Variants in STAG3 observed in about 807,000 individuals in gnomAD.
STAG3 encodes the protein cohesin subunit SA-3.
Under a neutral mutation model 160.7 loss-of-function variants are expected in STAG3, and 101 were observed. The observed-to-expected ratio is 0.63, with a 90% confidence interval of 0.54 to 0.74. The LOEUF (loss-of-function observed/expected upper bound fraction) is 0.74. STAG3 is among the 30% of genes least tolerant of loss of function. The pLI is 0.00. For missense variants in STAG3, 1,188 were observed against 1,517.4 expected, an observed-to-expected ratio of 0.78 and a Z score of 3.61; for synonymous variants, 519 against 585.0, an observed-to-expected ratio of 0.89 and a Z score of 1.63.
rs143095504 is a variant in STAG3, at chr7:100,194,589, C to G, written c.868-720C>G. Reference sequence around the variant, plus strand: ...ATCGCTTGAGCCCAGGAGTTCAAGACCAGCCTGGGCAAACATAGGGAGAGC... The same window carrying G: ...ATCGCTTGAGCCCAGGAGTTCAAGAGCAGCCTGGGCAAACATAGGGAGAGC... On this transcript the variant is annotated intron_variant, in intron 8 of 33. Coordinates refer to ENST00000615138, the MANE Select transcript of STAG3 (RefSeq NM_001282717.2). 4.3e-3 allele frequency among the ~76,000 whole-genome samples: 659 copies of G among 152,156 alleles called. 6 individuals are homozygous for G. The highest frequency in any genetic ancestry group is 0.015 in the African/African-American group (628 of 41,506).
At chr7:100,211,562 T>C in intron 31 of STAG3, 23 bp downstream of exon 31, 2 of 1,608,810 alleles carry the variant, frequency 1.2e-6, no homozygotes, top group Non-Finnish European at 8.5e-7. Context: ...CATCATCTCC[T>C]GTCTTCACTT....
chr7:100,211,395 C>A, intron 30 of STAG3, 40 bp from the exon 31 acceptor site: 1 of 1,603,716 alleles, frequency 6.2e-7, no homozygotes. Context: ...TCTTCTTACC[C>A]TTGATTTTTA....
rs752799363 is a variant in STAG3, at chr7:100,200,190, A to T, written c.1678-46A>T. 4.1e-6 allele frequency: 6 copies of T among 1,461,928 alleles called. 1 individual carries two copies. The South Asian group carries it at 7.2e-5, about 18-fold the overall frequency. The allele number at this position is 1,461,928 out of a possible 1,614,324, so 90.6% of individuals were successfully genotyped here. On this transcript the variant is annotated intron_variant, in intron 16 of 33. Coordinates refer to ENST00000615138, the MANE Select transcript of STAG3 (RefSeq NM_001282717.2). The stretch of plus-strand genomic sequence containing the variant: ...GAGGACTGCACACACCCCCTGCACC[A>T]GTGTTTCTTTACACCTCCCCCACCC...
At chr7:100,200,181 C>T in intron 16 of STAG3, 55 bp from the exon 17 acceptor site, 1 of 1,364,412 alleles carries the variant, frequency 7.3e-7, no homozygotes, top group Non-Finnish European at 1.0e-6. Context: ...TGCACACACC[C>T]CCTGCACCAG....
chr7:100,197,513 C>T, intron 10 of STAG3: 1 of 683,624 alleles, frequency 1.5e-6, no homozygotes, highest in Non-Finnish European at 2.6e-6. Context: ...GAGAGACTTT[C>T]CCATGGAAGA....
chr7:100,182,054 G>A (rs751758656), intron 2 of STAG3, 36 bp from the exon 3 acceptor site: 10 of 1,504,044 alleles, frequency 6.6e-6, no homozygotes, highest in Non-Finnish European at 9.3e-6. Context: ...AGGGAATAGG[G>A]TGGTTATATT....
Position 100,211,886 on chromosome 7 carries a change from C to G in STAG3, c.3600+10C>G, listed in dbSNP as rs1802251104. On this transcript the variant is annotated intron_variant, in intron 32 of 33. Transcript: ENST00000615138. ...GCAGGATACAGACATGGTGAGTAGACCACCCTGCCCTTCTCTCTCAAGAAC... is the reference window on the plus strand; with the variant it reads ...GCAGGATACAGACATGGTGAGTAGAGCACCCTGCCCTTCTCTCTCAAGAAC... The G allele has an allele frequency of 1.2e-6, 2 of 1,612,484 alleles. No homozygotes were observed. Among genetic ancestry groups the G allele is most frequent in the South Asian group, 2.2e-5 (2 of 90,940 alleles).
In STAG3 at chr7:100,198,126, G is replaced by T; in HGVS notation, c.1204G>T (p.Val402Leu). 1 of 1,613,966 alleles carries T rather than the reference G, an allele frequency of 6.2e-7. No homozygotes were observed. Among genetic ancestry groups the T allele is most frequent in the South Asian group, 1.1e-5 (1 of 91,080 alleles). The stretch of plus-strand genomic sequence containing the variant: ...CATGGTCATGGACAGAGAGTATGAT[G>T]TGGCAGTGGAGGCTGTCAGATTACT... ...VSMVMDREYDVAVEAVRLLIL... is the reference protein window; with the variant it reads ...VSMVMDREYDLAVEAVRLLIL... Residue 402 changes from valine to leucine, a missense_variant, in exon 12 of 34, where the codon GTG (valine) becomes TTG (leucine). Physicochemically the swap from Val to Leu is conservative, Grantham distance 32 (BLOSUM62 1). This residue lies in a region of STAG3 where 240 missense variants were observed against 358.1 expected (regional missense o/e 0.67). Transcript: ENST00000615138.
intron 18 of STAG3, 85 bp downstream of exon 18, chr7:100,200,627 T>A: frequency 6.5e-7 from 1 of 1,550,292 alleles, no homozygotes; most frequent in Non-Finnish European, 8.8e-7. Context: ...TCCTAAGAAC[T>A]TGGGTTCCAG....
chr7:100,213,832 T>C (rs371128663), intron 33 of STAG3, 26 bp downstream of exon 33: 23 of 1,614,090 alleles, frequency 1.4e-5, no homozygotes, highest in Non-Finnish European at 1.9e-5. Context: ...GCAGGAGTTA[T>C]GTATCCTTCG....
intron 29 of STAG3, among the ~76,000 whole-genome samples, chr7:100,210,384 T>A (rs1277060722): frequency 6.6e-6 from 1 of 152,254 alleles, no homozygotes; most frequent in Non-Finnish European, 1.5e-5. Context: ...TCTCAGGCAG[T>A]GAGAATCTTT....
intron 16 of STAG3, chr7:100,200,034 C>T: frequency 1.9e-6 from 1 of 524,816 alleles, no homozygotes; most frequent in African/African-American, 2.0e-5. Context: ...CCACTGCACT[C>T]CAGCCTGGGT....
rs1472037135 is a variant in STAG3 at position 100,202,358 on chromosome 7, C to T, written c.2563+18C>T. ...GGGCAGTGGTGCAGTGACTCTATAC[C>T]TGGGGCTCAGTAAGGGCTGGGGCTT... On this transcript the variant is annotated intron_variant, in intron 24 of 33. Coordinates refer to ENST00000615138, the MANE Select transcript of STAG3 (RefSeq NM_001282717.2). The T allele has an allele frequency of 1.2e-6, 2 of 1,612,620 alleles. No individual in the cohort carries two copies. Among genetic ancestry groups the T allele is most frequent in the South Asian group, 1.1e-5 (1 of 90,974 alleles).
intron 1 of STAG3, among the ~76,000 whole-genome samples, chr7:100,179,124 G>A (rs1799467369): frequency 1.3e-5 from 2 of 149,930 alleles, no homozygotes; most frequent in Admixed American, 6.6e-5. Context: ...CCAGGTTTGA[G>A]CCACCCTGGG....
downstream of STAG3, chr7:100,218,120 C>G (rs1242206872): frequency 6.7e-6 from 1 of 149,912 alleles, no homozygotes. Flanking sequence ...TTCCCAGGCA[C>G]TGGCATTACC....
At chr7:100,178,317 C>T (rs1799408280) in intron 1 of STAG3, among the ~76,000 whole-genome samples, 1 of 152,148 alleles carries the variant, frequency 6.6e-6, no homozygotes, top group African/African-American at 2.4e-5. Flanking sequence ...CCTCCTTTTG[C>T]GTTTCCAGCC....
In STAG3 at chr7:100,202,580, A is replaced by C. The variant is rs779689144; in HGVS notation, c.2690A>C (p.His897Pro). 1.2e-6 allele frequency: 2 copies of C among 1,613,654 alleles called. No homozygotes were observed. Among genetic ancestry groups the C allele is most frequent in the Non-Finnish European group, 1.7e-6 (2 of 1,179,926 alleles). Residue 897 changes from histidine (H) to proline (P), a missense_variant, in exon 25 of 34, where the codon CAC becomes CCC. Physicochemically the swap from His to Pro is moderately conservative, Grantham distance 77 (BLOSUM62 -2). Transcript: ENST00000615138. ...GATGCAGCCTCAGATGTTTTCAAACACTACAACAAGGTACACCAAGGCCCT... is the reference window on the plus strand; with the variant it reads ...GATGCAGCCTCAGATGTTTTCAAACCCTACAACAAGGTACACCAAGGCCCT... ...EMDAASDVFK[H>P]YNKFYNDYGD...
At chr7:100,204,982 T>C (rs1801502638) in intron 27 of STAG3, 23 bp from the exon 28 acceptor site, 1 of 1,610,514 alleles carries the variant, frequency 6.2e-7, no homozygotes, top group Non-Finnish European at 8.5e-7. Flanking sequence ...ACTTTCTTCC[T>C]AAAATAATTC....
chr7:100,204,527 C>A, intron 26 of STAG3, 100 bp from the exon 27 acceptor site: 1 of 1,456,606 alleles, frequency 6.9e-7, no homozygotes, highest in Non-Finnish European at 9.3e-7. Flanking sequence ...GATGGTGTCC[C>A]AAGGCCTTTG....
Sources: gnomAD v4.1 joint callset for allele counts (sites outside exome capture counted in the v4.1 genomes callset) on GRCh38, gnomAD v4.1.1 for gene constraint, gnomAD v4.1.1 regional missense constraint, MANE v1.5 for transcripts, NCBI Gene and HGNC (gene_info 2026-07-23, HGNC 2026-07-21) for gene names.